The following MIB1 variants were observed in gnomAD, a reference collection of about 807,000 sequenced individuals.
MIB1 encodes the protein MIB E3 ubiquitin protein ligase 1.
A neutral mutation model predicts 124.5 loss-of-function variants in MIB1; 278 were observed. That is an observed-to-expected ratio of 2.23 (90% CI 2.02 to 2.47). The LOEUF is 2.47. MIB1 is among the 30% of genes most tolerant of loss of function. The probability of loss-of-function intolerance (pLI) is 0.00; values close to 1 mark genes in which losing one functional copy is unlikely to be tolerated. For synonymous variants in MIB1, 446 were observed against 429.4 expected (o/e 1.04, Z -0.48); for missense variants, 957 against 1,254.4 (o/e 0.76, Z 3.58).
intron 18 of MIB1, among the ~76,000 whole-genome samples, chr18:21,854,031 A>AT (rs1413945352): frequency 6.6e-6 from 1 of 151,268 alleles, no homozygotes; most frequent in Non-Finnish European, 1.5e-5. Flanking sequence ...AAAAAAAAAA[A>AT]AAAAAATTCC....
intron 7 of MIB1, among the ~76,000 whole-genome samples, chr18:21,797,741 A>G (rs533106482): frequency 1.3e-5 from 2 of 151,768 alleles, no homozygotes; most frequent in South Asian, 4.2e-4. Flanking sequence ...GGCTATATTG[A>G]TGATAGATTT....
rs1425101823 is a variant in MIB1, at chr18:21,844,203, A to G, written c.2161A>G (p.Met721Val). The part of the protein sequence containing the change: ...TLSQLRQLQD[M>V]QDVGKVDAAW... ...GTCTCAGCTACGTCAGCTCCAAGATATGCAAGATGTGGGGAAGGTGGATGC... is the reference window on the plus strand; with the variant it reads ...GTCTCAGCTACGTCAGCTCCAAGATGTGCAAGATGTGGGGAAGGTGGATGC... Residue 721 changes from methionine to valine, a missense_variant, in exon 15 of 21, where the codon ATG becomes GTG. Transcript: ENST00000261537. 1 of 1,614,052 alleles carries G rather than the reference A, an allele frequency of 6.2e-7. No homozygotes were observed.
chr18:21,776,395 GCATGTGCATACCTGCAGGTGCA>G (rs1182459679), intron 4 of MIB1, among the ~76,000 whole-genome samples: 4 of 152,150 alleles, frequency 2.6e-5, no homozygotes, highest in Non-Finnish European at 5.9e-5. Context: ...GTGTGCACAT[GCATGTGCATACCTGCAGGTGCA>G]CATGTGCATC....
In MIB1 at chr18:21,773,718, T is replaced by C. The variant is rs2041248821; in HGVS notation, c.626T>C (p.Phe209Ser). Residue 209 changes from phenylalanine to serine, a missense_variant, in exon 4 of 21, where the codon TTT (phenylalanine) becomes TCT (serine). By Grantham distance (155) the Phe-to-Ser change is radical. Coordinates refer to ENST00000261537, the MANE Select transcript of MIB1 (RefSeq NM_020774.4). ...GCTAAGAACCTTTACAGAGTTGGCT[T>C]TGAGGGCATGGTAAGTAGTGAAGAG... ...NGAKNLYRVGFEGMSDLKCVQ... is the reference protein window; with the variant it reads ...NGAKNLYRVGSEGMSDLKCVQ... 1 of 1,597,310 alleles carries C rather than the reference T, an allele frequency of 6.3e-7. No homozygotes were observed. The highest frequency in any genetic ancestry group is 8.5e-7 in the Non-Finnish European group (1 of 1,173,264).
intron 3 of MIB1, among the ~76,000 whole-genome samples, chr18:21,771,691 G>T (rs1297026664): frequency 6.6e-6 from 1 of 152,074 alleles, no homozygotes; most frequent in Non-Finnish European, 1.5e-5. Flanking sequence ...TTTTTCTTAG[G>T]TTGGGTAATA....
chr18:21,786,843 T>C (rs1239228289), intron 6 of MIB1, among the ~76,000 whole-genome samples: 1 of 152,194 alleles, frequency 6.6e-6, no homozygotes, highest in African/African-American at 2.4e-5. Context: ...CTGAATTGGT[T>C]TTCTGTGTTA....
At chr18:21,743,267 GATA>G (rs913177358) in intron 1 of MIB1, among the ~76,000 whole-genome samples, 13 of 152,166 alleles carry the variant, frequency 8.5e-5, no homozygotes, top group African/African-American at 1.7e-4. Flanking sequence ...AAGTGCAAAT[GATA>G]ATAAACTATA....
chr18:21,790,221 A>G (rs956443772), intron 6 of MIB1, among the ~76,000 whole-genome samples: 41 of 152,348 alleles, frequency 2.7e-4, no homozygotes, highest in African/African-American at 9.6e-4. Context: ...TTGTAAACAA[A>G]TGTATGCTTT....
At chr18:21,841,292 A>G (rs1275706007) in intron 13 of MIB1, among the ~76,000 whole-genome samples, 1 of 152,128 alleles carries the variant, frequency 6.6e-6, no homozygotes, top group Non-Finnish European at 1.5e-5. Flanking sequence ...GCTTGAACCC[A>G]GCAAGTAGAG....
intron 1 of MIB1, among the ~76,000 whole-genome samples, chr18:21,710,906 G>A (rs1598577181): frequency 6.8e-6 from 1 of 146,410 alleles, no homozygotes; most frequent in African/African-American, 2.6e-5. Flanking sequence ...GGCTCACTGC[G>A]ACCTCTGGCT....
chr18:21,730,093 C>G (rs2040761407), intron 1 of MIB1, among the ~76,000 whole-genome samples: 1 of 152,194 alleles, frequency 6.6e-6, no homozygotes, highest in South Asian at 2.1e-4. Context: ...TCCTTGAATT[C>G]CTTCATTCTT....
At chr18:21,763,927 AT>A (rs1176658196) in intron 1 of MIB1, among the ~76,000 whole-genome samples, 1 of 150,670 alleles carries the variant, frequency 6.6e-6, no homozygotes, top group Non-Finnish European at 1.5e-5. Context: ...GTGATTTTTT[AT>A]TTTTTTTATT....
chr18:21,840,653 ATATATATATATATTTT>A (rs1279236992), intron 13 of MIB1, among the ~76,000 whole-genome samples: 916 of 27,924 alleles, frequency 0.033, 27 homozygotes, highest in African/African-American at 0.12. Flanking sequence ...ATATATATAT[ATATATATATATATTTT>A]TTTTTTTTTT....
At chr18:21,847,175 C>G (rs764579786) in intron 16 of MIB1, 50 bp downstream of exon 16, 14 of 1,480,942 alleles carry the variant, frequency 9.5e-6, no homozygotes, top group Middle Eastern at 3.5e-4. Context: ...CAGAAAATAT[C>G]ATGTGGTTTC....
At chr18:21,854,527 C>T (rs1220197460) in intron 18 of MIB1, 3 of 152,546 alleles carry the variant, frequency 2.0e-5, no homozygotes, top group African/African-American at 7.3e-5. Context: ...GTTGTTCACA[C>T]AGATTCTAGA....
chr18:21,742,049 C>T (rs2040859665), intron 1 of MIB1, among the ~76,000 whole-genome samples: 1 of 152,196 alleles, frequency 6.6e-6, no homozygotes, highest in Non-Finnish European at 1.5e-5. Flanking sequence ...CACCGGGATG[C>T]TTTCAAGCCT....
At chr18:21,802,085 G>C (rs2041656603) in intron 9 of MIB1, among the ~76,000 whole-genome samples, 1 of 152,054 alleles carries the variant, frequency 6.6e-6, no homozygotes, top group Non-Finnish European at 1.5e-5. Context: ...AGAGTTCTAG[G>C]TTAGAAGTCA....
At chr18:21,715,320 C>T (rs915671442) in intron 1 of MIB1, among the ~76,000 whole-genome samples, 1 of 152,174 alleles carries the variant, frequency 6.6e-6, no homozygotes, top group East Asian at 1.9e-4. Context: ...GGAGAGAGTA[C>T]TACATCAAGG....
At chr18:21,846,269 C>T (rs183739947) in intron 15 of MIB1, among the ~76,000 whole-genome samples, 8 of 152,222 alleles carry the variant, frequency 5.3e-5, no homozygotes, top group East Asian at 1.9e-4. Context: ...TCTCTTAGCT[C>T]GGTGTGCCTC....
Sources: gnomAD v4.1 joint callset for allele counts (sites outside exome capture counted in the v4.1 genomes callset) on GRCh38, gnomAD v4.1.1 for gene constraint, MANE v1.5 for transcripts, NCBI Gene and HGNC (gene_info 2026-07-23, HGNC 2026-07-21) for gene names.